ANXA10: variants seen among roughly 807,000 people sequenced by gnomAD.
The protein encoded by ANXA10 is annexin 14.
In ANXA10, 49 loss-of-function variants were observed where a neutral mutation model predicts 53.5. The ratio of observed to expected loss-of-function variants is 0.92; its 90% CI spans 0.73 to 1.16. ANXA10 has a LOEUF of 1.16. Ranked by LOEUF, ANXA10 falls within the 50% of genes most tolerant of loss-of-function variation. The pLI is 0.00. For missense variants in ANXA10, 393 were observed against 394.4 expected, an observed-to-expected ratio of 1.00 and a Z score of 0.03; for synonymous variants, 131 against 128.9, an observed-to-expected ratio of 1.02 and a Z score of -0.11.
chr4:168,094,011 T>C (rs958343158), intron 1 of ANXA10, among the ~76,000 whole-genome samples: 3 of 152,180 alleles, frequency 2.0e-5, no homozygotes, highest in Non-Finnish European at 4.4e-5. Flanking sequence ...GCCAGCATGG[T>C]AAATGATTAA....
rs753733601 is a variant in ANXA10, at chr4:168,162,532, T to C, written c.200T>C (p.Leu67Pro). ...EAYQSMYGRDLIGDMREQLSD... is the reference protein window; with the variant it reads ...EAYQSMYGRDPIGDMREQLSD... ...TATGTACTTTTTCCTCCACAGGACC[T>C]GATTGGGGATATGAGGGAGCAGCTT... Residue 67 changes from leucine to proline, a missense_variant, in exon 4 of 12, where the codon CTG becomes CCG. By Grantham distance (98) the Leu-to-Pro change is moderately conservative. Transcript: ENST00000359299. The C allele has an allele frequency of 1.3e-5, 21 of 1,612,948 alleles. No homozygotes were observed. The East Asian group carries it at 4.5e-4, about 34-fold the overall frequency.
chr4:168,150,483 G>A (rs995487082), intron 3 of ANXA10, among the ~76,000 whole-genome samples: 10 of 152,160 alleles, frequency 6.6e-5, no homozygotes, highest in African/African-American at 2.4e-4. Flanking sequence ...GTTGCAGCCT[G>A]CAGGGTGGCC....
intron 3 of ANXA10, among the ~76,000 whole-genome samples, chr4:168,162,309 C>T (rs1420173749): frequency 6.6e-6 from 1 of 152,112 alleles, no homozygotes; most frequent in African/African-American, 2.4e-5. Context: ...CAAATGTCTA[C>T]AATGTGCATA....
At chr4:168,165,389 CAAA>C (rs33925175) in intron 6 of ANXA10, 63 bp downstream of exon 6, 31,012 of 395,796 alleles carry the variant, frequency 0.078, 231 homozygotes, top group African/African-American at 0.13. Context: ...ATGTCATTGC[CAAA>C]AAAAAAAAAA....
Position 168,162,554 on chromosome 4 carries a change from G to T in ANXA10, c.222G>T (p.Gln74His). The change falls in exon 4 of 12, where the codon CAG (glutamine) becomes CAT (histidine). Residue 74 changes from glutamine (Q) to histidine (H), a missense_variant. By Grantham distance (24) the Gln-to-His change is conservative. Coordinates refer to ENST00000359299, the MANE Select transcript of ANXA10 (RefSeq NM_007193.5). ...ACCTGATTGGGGATATGAGGGAGCAGCTTTCGGATCACTTCAAAGATGTGA... is the reference window on the plus strand; with the variant it reads ...ACCTGATTGGGGATATGAGGGAGCATCTTTCGGATCACTTCAAAGATGTGA... ...GRDLIGDMREQLSDHFKDVMA... is the reference protein window; with the variant it reads ...GRDLIGDMREHLSDHFKDVMA... 1 of 1,613,880 alleles carries T rather than the reference G, an allele frequency of 6.2e-7. No individual in the cohort carries two copies. Among genetic ancestry groups the T allele is most frequent in the Non-Finnish European group, 8.5e-7 (1 of 1,179,866 alleles).
At chr4:168,154,140 C>T (rs1378875341) in intron 3 of ANXA10, among the ~76,000 whole-genome samples, 1 of 152,066 alleles carries the variant, frequency 6.6e-6, no homozygotes, top group Non-Finnish European at 1.5e-5. Context: ...TGTTGTGATA[C>T]ATGTGTAGGG....
chr4:168,176,771 C>T (rs776129035), intron 6 of ANXA10, among the ~76,000 whole-genome samples: 14 of 151,564 alleles, frequency 9.2e-5, no homozygotes, highest in Admixed American at 2.0e-4. Context: ...GAGGCTGAGA[C>T]GGAAGAATCA....
intron 6 of ANXA10, among the ~76,000 whole-genome samples, chr4:168,170,339 A>T (rs1051405607): frequency 2.9e-4 from 44 of 152,188 alleles, no homozygotes; most frequent in Non-Finnish European, 5.7e-4. Flanking sequence ...CTAGAATTAC[A>T]TGTAGGAATA....
intron 1 of ANXA10, among the ~76,000 whole-genome samples, chr4:168,093,486 A>T (rs1361304144): frequency 6.6e-6 from 1 of 152,176 alleles, no homozygotes; most frequent in Non-Finnish European, 1.5e-5. Context: ...ATGTGAATTT[A>T]TGCCTTGTGG....
intron 1 of ANXA10, 94 bp downstream of exon 1, chr4:168,092,812 ATGT>A (rs1730480823): frequency 1.3e-5 from 16 of 1,212,742 alleles, no homozygotes; most frequent in Middle Eastern, 2.5e-4. Context: ...TTAACAGAAA[ATGT>A]TGTTCTAATT....
intron 3 of ANXA10, among the ~76,000 whole-genome samples, chr4:168,152,362 C>T (rs976243507): frequency 3.3e-5 from 5 of 152,114 alleles, no homozygotes; most frequent in African/African-American, 1.2e-4. Context: ...CAGAAAGAAG[C>T]CCGCTGTAGC....
intron 3 of ANXA10, among the ~76,000 whole-genome samples, chr4:168,141,752 G>A (rs1731329172): frequency 1.3e-5 from 2 of 152,154 alleles, no homozygotes. Flanking sequence ...CCAACAGAGA[G>A]TCCTGGGTTG....
intron 2 of ANXA10, among the ~76,000 whole-genome samples, chr4:168,128,747 C>T (rs1442381120): frequency 6.6e-6 from 1 of 152,042 alleles, no homozygotes; most frequent in East Asian, 1.9e-4. Flanking sequence ...GCCAACCCCC[C>T]AGGCACCTTA....
At chr4:168,171,320 T>C (rs1399384000) in intron 6 of ANXA10, among the ~76,000 whole-genome samples, 2 of 152,210 alleles carry the variant, frequency 1.3e-5, no homozygotes, top group African/African-American at 4.8e-5. Flanking sequence ...TTAACCTTTA[T>C]GAGATTCAGG....
At chr4:168,173,518 C>G (rs1179535652) in intron 6 of ANXA10, among the ~76,000 whole-genome samples, 2 of 152,172 alleles carry the variant, frequency 1.3e-5, no homozygotes, top group East Asian at 3.9e-4. Flanking sequence ...AAGGTAGAAA[C>G]AGAAGCCTGT....
chr4:168,102,735 A>G (rs1730659682), intron 1 of ANXA10, among the ~76,000 whole-genome samples: 1 of 150,646 alleles, frequency 6.6e-6, no homozygotes, highest in East Asian at 1.9e-4. Context: ...ATCAAGTTAA[A>G]GTTTTTGAGT....
intron 1 of ANXA10, among the ~76,000 whole-genome samples, chr4:168,109,031 A>G (rs1429394847): frequency 6.6e-6 from 1 of 152,198 alleles, no homozygotes; most frequent in Non-Finnish European, 1.5e-5. Flanking sequence ...TCACTTTGGA[A>G]TGTGAATGCT....
chr4:168,104,443 A>G (rs1286917712), intron 1 of ANXA10, among the ~76,000 whole-genome samples: 1 of 151,980 alleles, frequency 6.6e-6, no homozygotes, highest in Non-Finnish European at 1.5e-5. Context: ...TCTATTTTCT[A>G]GAAAAAAATT....
At chr4:168,098,694 G>C (rs920356413) in intron 1 of ANXA10, among the ~76,000 whole-genome samples, 7 of 151,772 alleles carry the variant, frequency 4.6e-5, no homozygotes, top group African/African-American at 1.7e-4. Flanking sequence ...TTCCTTGCCA[G>C]CATCACAGTC....
Sources: allele counts gnomAD v4.1 joint callset (sites outside exome capture counted in the v4.1 genomes callset), GRCh38; gene constraint gnomAD v4.1.1; transcripts MANE v1.5; gene names NCBI Gene and HGNC (gene_info 2026-07-23, HGNC 2026-07-21).